The following SUZ12 variants were observed in gnomAD, a reference collection of about 807,000 sequenced individuals.
SUZ12 encodes the protein SUZ12 polycomb repressive complex 2 subunit.
SUZ12 carries 17 observed loss-of-function variants against 87.3 expected under a neutral mutation model. The observed-to-expected ratio is 0.19, with a 90% CI of 0.13 to 0.29. The LOEUF is 0.29. Ranked by LOEUF, SUZ12 falls within the 10% of genes least tolerant of loss-of-function variation. The pLI is 1.00. For missense variants in SUZ12, 526 were observed against 912.2 expected (o/e 0.58, Z 5.45); for synonymous variants, 253 against 312.4 (o/e 0.81, Z 2.01).
intron 8 of SUZ12, among the ~76,000 whole-genome samples, chr17:31,980,937 TGA>T (rs1325258342): frequency 3.3e-5 from 5 of 151,824 alleles, no homozygotes. Flanking sequence ...AAGACCAAGG[TGA>T]GAGGATCTCT....
intron 8 of SUZ12, among the ~76,000 whole-genome samples, chr17:31,982,687 C>T (rs1909183694): frequency 6.6e-6 from 1 of 151,962 alleles, no homozygotes; most frequent in Non-Finnish European, 1.5e-5. Flanking sequence ...TAAATAAAGC[C>T]TGTACTTACG....
intron 4 of SUZ12, among the ~76,000 whole-genome samples, chr17:31,953,818 G>A (rs9904953): frequency 0.049 from 7,331 of 149,134 alleles, 572 homozygotes; most frequent in African/African-American, 0.17. Flanking sequence ...GGTTCAAGCA[G>A]TTCTCCTGCC....
chr17:31,966,968 G>A (rs1397283963), intron 5 of SUZ12: 3 of 151,942 alleles, frequency 2.0e-5, no homozygotes, highest in Non-Finnish European at 4.4e-5. Context: ...GTATCATGAG[G>A]TCAGGAGTTC....
intron 4 of SUZ12, among the ~76,000 whole-genome samples, chr17:31,950,152 A>G (rs1347977720): frequency 1.3e-5 from 2 of 149,192 alleles, no homozygotes; most frequent in Non-Finnish European, 3.0e-5. Context: ...ACACCGAACT[A>G]ATTTTTTCTT....
intron 8 of SUZ12, among the ~76,000 whole-genome samples, chr17:31,977,817 A>T (rs1467228150): frequency 6.6e-6 from 1 of 151,032 alleles, no homozygotes; most frequent in Non-Finnish European, 1.5e-5. Context: ...TGAACCTGGG[A>T]GGCAGAGGTT....
At chr17:31,966,753 C>T (rs1056697023) in intron 5 of SUZ12, 1 of 152,022 alleles carries the variant, frequency 6.6e-6, no homozygotes, top group Non-Finnish European at 1.5e-5. Flanking sequence ...TAAAAAAACA[C>T]AGTAAAACAA....
intron 6 of SUZ12, among the ~76,000 whole-genome samples, chr17:31,974,664 G>C (rs1281975685): frequency 6.6e-6 from 1 of 152,126 alleles, no homozygotes; most frequent in Non-Finnish European, 1.5e-5. Context: ...AATATACACA[G>C]CCAACTGCTA....
chr17:31,975,526 G>A lies in SUZ12; in HGVS notation c.636G>A (p.Gln212=). The A allele has an allele frequency of 1.9e-6, 3 of 1,613,776 alleles. No homozygotes were observed. Among genetic ancestry groups the A allele is most frequent in the Non-Finnish European group, 2.5e-6 (3 of 1,179,776 alleles). The change falls in exon 7 of 16, where the codon CAG becomes CAA. Residue 212 remains glutamine (Q), a synonymous_variant. Transcript: ENST00000322652. The part of the protein sequence containing the change: ...PIRQVPTGKK[Q]VPLNPDLNQT... ...GGCAAGTTCCCACAGGTAAAAAGCA[G>A]GTGCCTTTGAATCCTGACCTCAATC... is the stretch of plus-strand genomic sequence containing the variant.
intron 4 of SUZ12, among the ~76,000 whole-genome samples, chr17:31,950,147 G>C (rs185083240): frequency 6.6e-6 from 1 of 151,202 alleles, no homozygotes; most frequent in African/African-American, 2.4e-5. Context: ...GCATCACACC[G>C]AACTAATTTT....
At chr17:31,940,877 G>T (rs1232425253) in intron 3 of SUZ12, among the ~76,000 whole-genome samples, 1 of 151,850 alleles carries the variant, frequency 6.6e-6, no homozygotes, top group Non-Finnish European at 1.5e-5. Flanking sequence ...GGGCGTGGTG[G>T]TGTGTGCCTG....
chr17:31,979,925 T>C lies in SUZ12; in HGVS notation c.918-3074T>C, dbSNP rs148091345. Among the ~76,000 whole-genome samples, 1,107 of 152,248 alleles carry C rather than the reference T, an allele frequency of 7.3e-3. 9 individuals are homozygous for C. Among genetic ancestry groups the C allele is most frequent in the African/African-American group, 0.025 (1,023 of 41,546 alleles). ...AATTTTCTAACATTTCTTCCACATT[T>C]ATTTGCATTTTTATATAAAGAAGAG... is the stretch of plus-strand genomic sequence containing the variant. On this transcript the variant is annotated intron_variant, in intron 8 of 15. Transcript: ENST00000322652.
chr17:31,940,612 T>C, intron 3 of SUZ12, 126 bp downstream of exon 3: 2 of 1,415,354 alleles, frequency 1.4e-6, no homozygotes, highest in Non-Finnish European at 1.9e-6. Flanking sequence ...AGATTTAAGA[T>C]GAAAACTGAA....
intron 10 of SUZ12, among the ~76,000 whole-genome samples, chr17:31,992,673 G>A (rs1259840105): frequency 6.6e-6 from 1 of 152,100 alleles, no homozygotes; most frequent in Non-Finnish European, 1.5e-5. Flanking sequence ...GCCTCCCAAA[G>A]CACTGGGATT....
chr17:31,954,916 C>T (rs1391163047), intron 4 of SUZ12, among the ~76,000 whole-genome samples: 1 of 152,238 alleles, frequency 6.6e-6, no homozygotes, highest in East Asian at 1.9e-4. Context: ...ATGGCCAGGG[C>T]CAGACAGTGC....
intron 12 of SUZ12, 123 bp downstream of exon 12, chr17:31,994,131 A>G: frequency 4.5e-6 from 4 of 888,388 alleles, no homozygotes; most frequent in Middle Eastern, 3.3e-4. Context: ...TGCATTAAGT[A>G]CAAGATAGCA....
At chr17:31,994,372 A>C in intron 12 of SUZ12, 192 bp from the exon 13 acceptor site, 1 of 476,144 alleles carries the variant, frequency 2.1e-6, no homozygotes, top group Non-Finnish European at 3.6e-6. Context: ...GTCACCAAGC[A>C]ATAAATGACA....
chr17:31,963,597 A>G (rs184790967), intron 4 of SUZ12, among the ~76,000 whole-genome samples: 46 of 151,742 alleles, frequency 3.0e-4, no homozygotes, highest in Admixed American at 5.9e-4. Context: ...TCCGAGTTCA[A>G]GTGATTCCTC....
At chr17:31,968,316 A>C (rs1908214750) in intron 5 of SUZ12, among the ~76,000 whole-genome samples, 2 of 150,712 alleles carry the variant, frequency 1.3e-5, no homozygotes, top group African/African-American at 4.9e-5. Flanking sequence ...GGTGTGATCA[A>C]CTCCTGGGCT....
Position 31,976,620 on chromosome 17 carries a change from G to A in SUZ12, c.917+6G>A. ...ACAGTATTTGATAAAAACAGGTAATGTTGATGAACAAGTGAGGCTCCCACA... is the reference window on the plus strand; with the variant it reads ...ACAGTATTTGATAAAAACAGGTAATATTGATGAACAAGTGAGGCTCCCACA... On this transcript the variant is annotated splice_donor_region_variant and intron_variant, in intron 8 of 15. Transcript: ENST00000322652. The A allele has an allele frequency of 1.3e-6, 2 of 1,598,784 alleles. No individual in the cohort carries two copies. The highest frequency in any genetic ancestry group is 2.7e-5 in the African/African-American group (2 of 74,704).
Sources: allele counts gnomAD v4.1 joint callset (sites outside exome capture counted in the v4.1 genomes callset), GRCh38; gene constraint gnomAD v4.1.1; transcripts MANE v1.5; gene names NCBI Gene and HGNC (gene_info 2026-07-23, HGNC 2026-07-21).